The following TCF20 variants were observed in gnomAD, a reference collection of about 807,000 sequenced individuals.
TCF20 encodes transcription factor 20, also known as SPRE-binding protein.
In TCF20, 3 loss-of-function variants were observed where a neutral mutation model predicts 148.6. The observed-to-expected ratio is 0.02, with a 90% CI of 0.01 to 0.05. The LOEUF is 0.05. Among genes scored for constraint, TCF20 ranks in the 10% least tolerant of loss-of-function variants. The probability of loss-of-function intolerance (pLI) is 1.00; values close to 1 mark genes in which losing one functional copy is unlikely to be tolerated. For missense variants in TCF20, 2,350 were observed against 2,429.3 expected (o/e 0.97, Z 0.69); for synonymous variants, 1,049 against 909.5 (o/e 1.15, Z -2.76).
intron 1 of TCF20, among the ~76,000 whole-genome samples, chr22:42,236,893 T>TA (rs1005719920): frequency 6.6e-6 from 1 of 152,208 alleles, no homozygotes; most frequent in Admixed American, 6.5e-5. Context: ...TACCTTAATT[T>TA]AAAAAATACT....
At position 42,204,359 on chromosome 22, in the gene TCF20, G is replaced by T. The variant is rs866331644; in HGVS notation, c.5655+5292C>A. Among the ~76,000 whole-genome samples the T allele has an allele frequency of 4.6e-5, 7 of 152,200 alleles. No individual in the cohort carries two copies. The South Asian group carries it at 1.4e-3, about 32-fold the overall frequency. ...AAAATACAAAAATTAGCTGGGTGTG[G>T]TGGCACGCACCTGTAATTCCAGCTA... On this transcript the variant is annotated intron_variant, in intron 2 of 5. Coordinates refer to ENST00000677622, the MANE Select transcript of TCF20 (RefSeq NM_001378418.1).
intron 1 of TCF20, among the ~76,000 whole-genome samples, chr22:42,283,821 C>T (rs911556660): frequency 1.7e-4 from 26 of 152,288 alleles, no homozygotes; most frequent in African/African-American, 5.5e-4. Flanking sequence ...CCGCGCACAC[C>T]GTTACCTTTG....
At chr22:42,342,292 G>T (rs544079083) in intron 1 of TCF20, among the ~76,000 whole-genome samples, 7 of 152,196 alleles carry the variant, frequency 4.6e-5, no homozygotes, top group Admixed American at 3.3e-4. Context: ...GAGAAACGAC[G>T]GGAGGGCTGA....
At position 42,323,977 on chromosome 22, in the gene TCF20, G is replaced by GTGA. The variant is rs1569209781; in HGVS notation, c.-37+19501_-37+19502insTCA. ...TATGGTGGTGGTGGTGATGGTGGTGGTGGAGGTTATGGTGGTGGAGGTGGT... is the reference window on the plus strand; with the variant it reads ...TATGGTGGTGGTGGTGATGGTGGTGGTGATGGAGGTTATGGTGGTGGAGGTGGT... On this transcript the variant is annotated intron_variant, in intron 1 of 1. Transcript: ENST00000515426. 1.6e-4 allele frequency among the ~76,000 whole-genome samples: 4 copies of GTGA among 25,296 alleles called. 1 individual carries two copies. The highest frequency in any genetic ancestry group is 3.0e-3 in the East Asian group (2 of 656). The allele number at this position is 25,296 out of a possible 152,430, so 16.6% of individuals were successfully genotyped here.
At chr22:42,312,269 A>C (rs533918840) in intron 1 of TCF20, among the ~76,000 whole-genome samples, 2 of 152,318 alleles carry the variant, frequency 1.3e-5, no homozygotes, top group East Asian at 3.9e-4. Context: ...GTCCCCCAGT[A>C]GTCAGCGGGC....
intron 1 of TCF20, among the ~76,000 whole-genome samples, chr22:42,302,566 CAAAG>C (rs1927356017): frequency 6.6e-6 from 1 of 152,214 alleles, no homozygotes; most frequent in African/African-American, 2.4e-5. Context: ...CAGTGGAAGG[CAAAG>C]ACAGAGACCG....
intron 1 of TCF20, among the ~76,000 whole-genome samples, chr22:42,324,746 A>T (rs1311867988): frequency 6.6e-6 from 1 of 152,240 alleles, no homozygotes; most frequent in African/African-American, 2.4e-5. Context: ...TGAGAAAATA[A>T]CCTCCACCAT....
intron 1 of TCF20, among the ~76,000 whole-genome samples, chr22:42,268,300 T>C (rs1451119016): frequency 6.6e-6 from 1 of 152,220 alleles, no homozygotes; most frequent in East Asian, 1.9e-4. Context: ...GAGGTTGGTA[T>C]AGAAATACTT....
chr22:42,179,762 C>T, intron 2 of TCF20, 60 bp from the exon 3 acceptor site: 1 of 1,105,652 alleles, frequency 9.0e-7, no homozygotes. Context: ...CTCCTCCAGG[C>T]CTTCCCTGGT....
intron 1 of TCF20, among the ~76,000 whole-genome samples, chr22:42,294,386 T>C (rs940503047): frequency 5.3e-5 from 8 of 151,938 alleles, no homozygotes; most frequent in Non-Finnish European, 1.2e-4. Flanking sequence ...CCCTTGAAGG[T>C]TTTTAATTAC....
rs1927142790 is a variant in TCF20 at position 42,292,038 on chromosome 22, G to A, written c.-37+51441C>T. 6.6e-6 allele frequency among the ~76,000 whole-genome samples: 1 copy of A among 152,034 alleles called. No homozygotes were observed. Among genetic ancestry groups the A allele is most frequent in the Non-Finnish European group, 1.5e-5 (1 of 67,982 alleles). On this transcript the variant is annotated intron_variant, in intron 1 of 1. Transcript: ENST00000515426. This position sits in a 1 kb window ranked among gnomAD's most constrained non-coding sequence, Gnocchi z 4.9. The stretch of plus-strand genomic sequence containing the variant: ...CTGTGGACCTGAGGTCTCTGACCTG[G>A]GTAAAAGCAGGCACCTCTCACACAC...
At chr22:42,169,238 C>T (rs915248473) in intron 4 of TCF20, among the ~76,000 whole-genome samples, 9 of 152,088 alleles carry the variant, frequency 5.9e-5, no homozygotes, top group Non-Finnish European at 1.0e-4. Context: ...TCCATATACA[C>T]CCTCCCCACA....
chr22:42,333,646 C>A (rs531420237), intron 1 of TCF20, among the ~76,000 whole-genome samples: 1 of 152,234 alleles, frequency 6.6e-6, no homozygotes, highest in African/African-American at 2.4e-5. Flanking sequence ...GCTTGCCCCT[C>A]GCCACAAAGT....
chr22:42,314,425 C>T (rs1380222196), intron 1 of TCF20, among the ~76,000 whole-genome samples: 8 of 152,242 alleles, frequency 5.3e-5, no homozygotes, highest in Non-Finnish European at 1.0e-4. Context: ...ATGGCCACAT[C>T]GCAGGCCCTC....
Position 42,317,761 on chromosome 22 carries a change from C to T in TCF20, c.-37+25718G>A, listed in dbSNP as rs1000506546. On this transcript the variant is annotated intron_variant, in intron 1 of 1. Transcript: ENST00000515426. This position sits in a 1 kb window ranked among gnomAD's most constrained non-coding sequence, Gnocchi z 4.2. The stretch of plus-strand genomic sequence containing the variant: ...GGTGGAAGAAGGGAGCCGAGGTGGG[C>T]ACAGGGCGATCCCTCCCTCACAACG... Among the ~76,000 whole-genome samples the T allele has an allele frequency of 6.6e-6, 1 of 152,178 alleles. No homozygotes were observed. Among genetic ancestry groups the T allele is most frequent in the Non-Finnish European group, 1.5e-5 (1 of 68,000 alleles).
chr22:42,254,835 G>A (rs1364456136), intron 1 of TCF20, among the ~76,000 whole-genome samples: 2 of 151,746 alleles, frequency 1.3e-5, no homozygotes, highest in African/African-American at 4.8e-5. Flanking sequence ...GGTGGAGGCG[G>A]GCGCCTGTAG....
At chr22:42,217,845 C>T (rs1921964266) in intron 1 of TCF20, among the ~76,000 whole-genome samples, 1 of 152,150 alleles carries the variant, frequency 6.6e-6, no homozygotes, top group Non-Finnish European at 1.5e-5. Flanking sequence ...CAGAAGATGG[C>T]CAGTAACCCC....
intron 1 of TCF20, among the ~76,000 whole-genome samples, chr22:42,308,301 G>A (rs1927471594): frequency 6.6e-6 from 1 of 152,110 alleles, no homozygotes; most frequent in Non-Finnish European, 1.5e-5. Context: ...GGAGGAAAAT[G>A]TTCACCAGCC....
chr22:42,214,864 C>A lies in TCF20; in HGVS notation c.442G>T (p.Gly148Cys). 6.2e-7 allele frequency: 1 copy of A among 1,614,174 alleles called. No homozygotes were observed. The highest frequency in any genetic ancestry group is 8.5e-7 in the Non-Finnish European group (1 of 1,180,040). Residue 148 changes from glycine (G) to cysteine (C), a missense_variant, in exon 2 of 6, where the codon GGT becomes TGT. Physicochemically the swap from Gly to Cys is radical, Grantham distance 159 (BLOSUM62 -3). Transcript: ENST00000677622. ...TAATCCTGCTGATAATGTGACACAC[C>A]GCCAAGGCCAGAGTGCTGTGCTTGA... is the stretch of plus-strand genomic sequence containing the variant. ...QFQAQHSGLG[G>C]VSHYQQDYTG...
Sources: allele counts gnomAD v4.1 joint callset (sites outside exome capture counted in the v4.1 genomes callset), GRCh38; gene constraint gnomAD v4.1.1; non-coding constraint Gnocchi (gnomAD v3.1); transcripts MANE v1.5; gene names NCBI Gene and HGNC (gene_info 2026-07-23, HGNC 2026-07-21).